Variants in MNAT1 observed in about 807,000 individuals in gnomAD.
MNAT1 encodes the protein MNAT1 component of CDK activating kinase, also known as CDK-activating kinase assembly factor MAT1.
MNAT1 carries 43 observed loss-of-function variants against 42.0 expected under a neutral mutation model. The ratio of observed to expected loss-of-function variants is 1.02; its 90% CI spans 0.80 to 1.32. The LOEUF (loss-of-function observed/expected upper bound fraction) is 1.32. Ranked by LOEUF, MNAT1 falls within the 40% of genes most tolerant of loss-of-function variation. The pLI is 0.00. For missense variants in MNAT1, 306 were observed against 350.4 expected (o/e 0.87, Z 1.01); for synonymous variants, 118 against 120.0 (o/e 0.98, Z 0.11).
intron 1 of MNAT1, among the ~76,000 whole-genome samples, chr14:60,776,923 A>G (rs1291108936): frequency 8.3e-6 from 1 of 120,622 alleles, no homozygotes; most frequent in African/African-American, 2.6e-5. Flanking sequence ...TCATTGCCTG[A>G]TGCAGCCTTG....
intron 7 of MNAT1, among the ~76,000 whole-genome samples, chr14:60,947,345 A>G (rs776159995): frequency 8.5e-5 from 13 of 152,112 alleles, no homozygotes; most frequent in Non-Finnish European, 1.6e-4. Flanking sequence ...CTCCAAAGGT[A>G]TTTGCTCAGA....
chr14:60,840,776 G>T (rs1471566205), intron 6 of MNAT1, among the ~76,000 whole-genome samples: 1 of 152,078 alleles, frequency 6.6e-6, no homozygotes, highest in East Asian at 1.9e-4. Context: ...CGATTCTCCT[G>T]CCTCAGCCTC....
intron 1 of MNAT1, among the ~76,000 whole-genome samples, chr14:60,767,364 G>T (rs1440080790): frequency 6.6e-6 from 1 of 152,144 alleles, no homozygotes; most frequent in African/African-American, 2.4e-5. Flanking sequence ...GTCTGGCTCA[G>T]TATTTCTTTT....
In MNAT1 at chr14:60,968,600, T is replaced by G; in HGVS notation, c.*251T>G. The G allele has an allele frequency of 9.3e-7, 1 of 1,072,242 alleles. No homozygotes were observed. Among genetic ancestry groups the G allele is most frequent in the Non-Finnish European group, 1.3e-6 (1 of 778,524 alleles). 66.4% of individuals were successfully genotyped at this position (1,072,242 alleles called of 1,614,324 possible). On this transcript the variant is annotated 3_prime_UTR_variant, in exon 8 of 8. Coordinates refer to ENST00000261245, the MANE Select transcript of MNAT1 (RefSeq NM_002431.4). Reference sequence around the variant, plus strand: ...AGCCTCATCTGATGGAAGAGAGGAATAAATAATTCACCTATATGTGTTTGA... The same window carrying G: ...AGCCTCATCTGATGGAAGAGAGGAAGAAATAATTCACCTATATGTGTTTGA...
chr14:60,931,860 A>T (rs562019521), intron 7 of MNAT1, among the ~76,000 whole-genome samples: 23 of 151,918 alleles, frequency 1.5e-4, no homozygotes, highest in East Asian at 1.4e-3. Flanking sequence ...GTTTTTTTTT[A>T]AAAAAACAAT....
At chr14:60,815,444 T>C (rs1407288490) in intron 5 of MNAT1, among the ~76,000 whole-genome samples, 3 of 152,198 alleles carry the variant, frequency 2.0e-5, no homozygotes, top group African/African-American at 7.2e-5. Context: ...CATGAACTAC[T>C]GACCTTGTGA....
chr14:60,780,029 G>A (rs2031399552), intron 1 of MNAT1: 5 of 1,546,640 alleles, frequency 3.2e-6, no homozygotes, highest in Admixed American at 3.3e-5. Flanking sequence ...TGGGAGTGCC[G>A]AAATCGTGGA....
intron 1 of MNAT1, among the ~76,000 whole-genome samples, chr14:60,756,301 G>A (rs1042992184): frequency 5.9e-5 from 9 of 152,134 alleles, no homozygotes; most frequent in Non-Finnish European, 1.3e-4. Context: ...ATTGAAAAAA[G>A]TTTAGAATAG....
At chr14:60,878,712 C>T (rs1413081725) in intron 6 of MNAT1, among the ~76,000 whole-genome samples, 1 of 152,062 alleles carries the variant, frequency 6.6e-6, no homozygotes, top group African/African-American at 2.4e-5. Context: ...TCCACTTTTG[C>T]TTTGACTGGA....
intron 1 of MNAT1, among the ~76,000 whole-genome samples, chr14:60,754,699 G>A (rs1216048933): frequency 6.6e-6 from 1 of 152,170 alleles, no homozygotes; most frequent in Non-Finnish European, 1.5e-5. Flanking sequence ...TGTCATTAGA[G>A]AAGTGGCTTT....
intron 6 of MNAT1, among the ~76,000 whole-genome samples, chr14:60,873,961 G>C (rs1188249499): frequency 6.6e-6 from 1 of 152,096 alleles, no homozygotes; most frequent in African/African-American, 2.4e-5. Flanking sequence ...AATATAAACT[G>C]TGATGAACAG....
At chr14:60,766,344 CAAAAAAAAAAA>C (rs756705275) in intron 1 of MNAT1, among the ~76,000 whole-genome samples, 1 of 108,510 alleles carries the variant, frequency 9.2e-6, no homozygotes, top group Non-Finnish European at 1.9e-5. Context: ...GAGACTCTGT[CAAAAAAAAAAA>C]AAGAAAAAAA....
chr14:60,747,095 T>C (rs186634884), intron 1 of MNAT1, among the ~76,000 whole-genome samples: 3,055 of 149,774 alleles, frequency 0.02, 105 homozygotes, highest in African/African-American at 0.07. Context: ...ACGCCATTCT[T>C]CTGCCTCAGC....
intron 7 of MNAT1, among the ~76,000 whole-genome samples, chr14:60,952,346 C>T (rs991681035): frequency 2.0e-5 from 3 of 152,162 alleles, no homozygotes; most frequent in Non-Finnish European, 4.4e-5. Context: ...GAGAGTCATG[C>T]AGAGCTTTGC....
chr14:60,960,861 C>A (rs2036574725), intron 7 of MNAT1, among the ~76,000 whole-genome samples: 2 of 152,238 alleles, frequency 1.3e-5, no homozygotes, highest in South Asian at 4.1e-4. Context: ...GAAACATCCT[C>A]CTAAGGAATC....
chr14:60,735,588 C>G (rs1301168217), intron 1 of MNAT1, among the ~76,000 whole-genome samples: 1 of 152,156 alleles, frequency 6.6e-6, no homozygotes, highest in African/African-American at 2.4e-5. Context: ...ACAACAGTCC[C>G]ATGAAGTAGA....
chr14:60,778,688 A>G (rs1216907216), intron 1 of MNAT1, among the ~76,000 whole-genome samples: 2 of 152,198 alleles, frequency 1.3e-5, no homozygotes, highest in Non-Finnish European at 2.9e-5. Context: ...CACTGGTCTT[A>G]ACTCATACTG....
chr14:60,856,922 G>A (rs1034895236), intron 6 of MNAT1, among the ~76,000 whole-genome samples: 26 of 151,934 alleles, frequency 1.7e-4, no homozygotes, highest in Admixed American at 3.3e-4. Flanking sequence ...CTCGTGATCC[G>A]CCCGCCTCGG....
At chr14:60,780,888 A>C (rs1344955554) in intron 1 of MNAT1, among the ~76,000 whole-genome samples, 6 of 152,190 alleles carry the variant, frequency 3.9e-5, no homozygotes, top group Non-Finnish European at 8.8e-5. Context: ...TAGATGGAAA[A>C]ACTTGTGCTA....
Sources: allele counts gnomAD v4.1 joint callset (sites outside exome capture counted in the v4.1 genomes callset), GRCh38; gene constraint gnomAD v4.1.1; transcripts MANE v1.5; gene names NCBI Gene and HGNC (gene_info 2026-07-23, HGNC 2026-07-21).